Variants in NCAM2 observed in about 807,000 individuals in gnomAD.
NCAM2 encodes neural cell adhesion molecule 2, also known as N-CAM-2.
NCAM2 carries 30 observed loss-of-function variants against 98.1 expected under a neutral mutation model. The ratio of observed to expected loss-of-function variants is 0.31; its 90% CI spans 0.23 to 0.41. The LOEUF is 0.41. NCAM2 is among the 10% of genes least tolerant of loss of function. The pLI is 1.00. For synonymous variants in NCAM2, 368 were observed against 342.4 expected, an observed-to-expected ratio of 1.07 and a Z score of -0.83; for missense variants, 867 against 1,005.8, an observed-to-expected ratio of 0.86 and a Z score of 1.87.
At chr21:21,503,273 T>C (rs978437210) in intron 15 of NCAM2, among the ~76,000 whole-genome samples, 2 of 151,936 alleles carry the variant, frequency 1.3e-5, no homozygotes, top group African/African-American at 4.8e-5. Flanking sequence ...ATATCTGTTA[T>C]TAAAATAGAA....
chr21:21,248,240 A>T (rs1030603461), intron 1 of NCAM2, among the ~76,000 whole-genome samples: 8 of 150,634 alleles, frequency 5.3e-5, no homozygotes, highest in South Asian at 4.2e-4. Context: ...GAGCTTATTT[A>T]AAAAAAAACA....
At chr21:21,458,614 G>A (rs765882391) in intron 12 of NCAM2, among the ~76,000 whole-genome samples, 2 of 152,260 alleles carry the variant, frequency 1.3e-5, no homozygotes, top group Middle Eastern at 3.4e-3. Flanking sequence ...GAAGCAGGCC[G>A]TCACCAGACA....
In NCAM2 at chr21:21,186,721, T is replaced by G. The variant is rs2068652237; in HGVS notation, c.56-93857T>G. ...GTAATTTTCTACAATTTTTATTCCT[T>G]CATATATAAAAGATGATCTACATGA... On this transcript the variant is annotated intron_variant, in intron 1 of 17. Coordinates refer to ENST00000400546, the MANE Select transcript of NCAM2 (RefSeq NM_004540.5). 1.3e-5 allele frequency among the ~76,000 whole-genome samples: 2 copies of G among 152,170 alleles called. 1 individual carries two copies. The highest frequency in any genetic ancestry group is 1.3e-4 in the Admixed American group (2 of 15,278).
At chr21:21,089,464 A>G (rs2065969760) in intron 1 of NCAM2, among the ~76,000 whole-genome samples, 1 of 152,124 alleles carries the variant, frequency 6.6e-6, no homozygotes, top group South Asian at 2.1e-4. Flanking sequence ...AAAAAACCAC[A>G]CTTTTTTCCT....
chr21:21,082,092 G>A (rs374624704), intron 1 of NCAM2, among the ~76,000 whole-genome samples: 1 of 151,770 alleles, frequency 6.6e-6, no homozygotes, highest in East Asian at 2.0e-4. Flanking sequence ...GCCGGGCGTG[G>A]TGGCAGGCGC....
At chr21:21,469,896 G>A (rs939697212) in intron 14 of NCAM2, among the ~76,000 whole-genome samples, 7 of 151,878 alleles carry the variant, frequency 4.6e-5, no homozygotes, top group Non-Finnish European at 7.4e-5. Flanking sequence ...TTGTAAACAC[G>A]GTAGAAGAGA....
chr21:21,180,117 C>T (rs532819832), intron 1 of NCAM2, among the ~76,000 whole-genome samples: 1 of 152,242 alleles, frequency 6.6e-6, no homozygotes, highest in Non-Finnish European at 1.5e-5. Context: ...CTTGGCCTTC[C>T]TCACAGACTG....
In NCAM2 at chr21:21,418,477, C is replaced by T. The variant is rs1182547705; in HGVS notation, c.1388C>T (p.Ala463Val). Residue 463 changes from alanine (A) to valine (V), a missense_variant, in exon 11 of 18, where the codon GCA becomes GTA. Ala to Val is a moderately conservative substitution (Grantham distance 64, BLOSUM62 0). Around this residue, in one of 5 missense-constraint regions of NCAM2, gnomAD observed 56 missense variants for 39.6 expected, o/e 1.41. Coordinates refer to ENST00000400546, the MANE Select transcript of NCAM2 (RefSeq NM_004540.5). ...STGRKMILEIAPTSDNDFGRY... is the reference protein window; with the variant it reads ...STGRKMILEIVPTSDNDFGRY... ...TTGTTATTATAATTATTTCAGATTG[C>T]ACCTACATCTGACAATGACTTTGGA... 1.3e-6 allele frequency: 2 copies of T among 1,598,240 alleles called. No homozygotes were observed. Among genetic ancestry groups the T allele is most frequent in the South Asian group, 2.2e-5 (2 of 90,674 alleles).
intron 16 of NCAM2, among the ~76,000 whole-genome samples, chr21:21,524,284 C>A (rs1019736715): frequency 1.3e-5 from 2 of 151,996 alleles, no homozygotes; most frequent in African/African-American, 2.4e-5. Context: ...ATATAGTGAT[C>A]TTTAACATGT....
rs930637480 is a variant in NCAM2, at chr21:20,998,622, G to A, written c.55+4G>A. The stretch of plus-strand genomic sequence containing the variant: ...TTGCTTGTCAGTAGCGGGCAAGGTA[G>A]GAGTGTGGCGCTTTATTGCATTTAC... On this transcript the variant is annotated splice_donor_region_variant and intron_variant, in intron 1 of 17. Coordinates refer to ENST00000400546, the MANE Select transcript of NCAM2 (RefSeq NM_004540.5). 5 of 1,613,746 alleles carry A rather than the reference G, an allele frequency of 3.1e-6. No homozygotes were observed. Among genetic ancestry groups the A allele is most frequent in the Non-Finnish European group, 4.2e-6 (5 of 1,179,790 alleles).
chr21:21,516,350 G>A (rs2826873), intron 16 of NCAM2, among the ~76,000 whole-genome samples: 94,534 of 151,832 alleles, frequency 0.62, 29,552 homozygotes, highest in East Asian at 0.77. Context: ...AGTTTGGGAA[G>A]TAATATATTT....
intron 16 of NCAM2, among the ~76,000 whole-genome samples, chr21:21,519,952 G>GA (rs899963609): frequency 2.9e-4 from 44 of 150,926 alleles, no homozygotes; most frequent in Admixed American, 1.7e-3. Context: ...TCAAGGCAGA[G>GA]AAAAAAAAAT....
intron 1 of NCAM2, among the ~76,000 whole-genome samples, chr21:21,108,740 C>CT (rs1221104253): frequency 6.6e-6 from 1 of 152,108 alleles, no homozygotes; most frequent in Admixed American, 6.5e-5. Context: ...AAATTCCTTA[C>CT]TAGCATAGCT....
intron 6 of NCAM2, among the ~76,000 whole-genome samples, chr21:21,333,651 G>A (rs147356975): frequency 1.3e-5 from 2 of 152,118 alleles, no homozygotes; most frequent in African/African-American, 4.8e-5. Context: ...TGTGAATTGA[G>A]GAGTAGAGAT....
Position 21,194,624 on chromosome 21 carries a change from A to C in NCAM2, c.56-85954A>C, listed in dbSNP as rs565448578. ...TTAAATATGTACAAAATTGGCAGCT[A>C]TGGTATTAAATATGTACAAAATTAA... On this transcript the variant is annotated intron_variant, in intron 1 of 17. Coordinates refer to ENST00000400546, the MANE Select transcript of NCAM2 (RefSeq NM_004540.5). Among the ~76,000 whole-genome samples the C allele has an allele frequency of 1.3e-4, 20 of 152,270 alleles. No individual in the cohort carries two copies. The South Asian group carries it at 2.3e-3, about 17-fold the overall frequency.
intron 9 of NCAM2, among the ~76,000 whole-genome samples, chr21:21,386,428 G>T (rs936751856): frequency 3.3e-5 from 5 of 152,120 alleles, no homozygotes; most frequent in African/African-American, 1.2e-4. Context: ...CTCATTTGCA[G>T]ACATAAATTG....
chr21:21,175,003 A>G (rs1569109275), intron 1 of NCAM2, among the ~76,000 whole-genome samples: 1 of 152,188 alleles, frequency 6.6e-6, no homozygotes, highest in Non-Finnish European at 1.5e-5. Context: ...TTTCTAGAAC[A>G]TAGTGAAAAA....
rs1555902035 is a variant in NCAM2 at position 21,467,428 on chromosome 21, T to TATATATATATATATATATCTTTA, written c.1774+703_1774+704insATATATATATATATATATCTTTA. On this transcript the variant is annotated intron_variant, in intron 13 of 17. Transcript: ENST00000400546. The stretch of plus-strand genomic sequence containing the variant: ...TGTATATGTGTATATATATATCTTT[T>TATATATATATATATATATCTTTA]TATATATATATATATGTTAGGACAG... Among the ~76,000 whole-genome samples, 14 of 140,728 alleles carry TATATATATATATATATATCTTTA rather than the reference T, an allele frequency of 9.9e-5. No individual in the cohort carries two copies. In the South Asian group the frequency reaches 2.6e-3, roughly 26 times the overall value. The allele number at this position is 140,728 out of a possible 152,430, so 92.3% of individuals were successfully genotyped here. A position where few individuals can be genotyped will look rare whatever the true frequency, so the allele number is the denominator to read the frequency against.
chr21:21,484,450 T>C (rs998528970), intron 15 of NCAM2, among the ~76,000 whole-genome samples: 1 of 152,160 alleles, frequency 6.6e-6, no homozygotes, highest in Non-Finnish European at 1.5e-5. Flanking sequence ...ATTTTCATCA[T>C]GCAGATAAAT....
Sources: allele counts gnomAD v4.1 joint callset (sites outside exome capture counted in the v4.1 genomes callset), GRCh38; gene constraint gnomAD v4.1.1; regional missense constraint gnomAD v4.1.1; transcripts MANE v1.5; gene names NCBI Gene and HGNC (gene_info 2026-07-23, HGNC 2026-07-21).